The following RAB3C variants were observed in gnomAD, a reference collection of about 807,000 sequenced individuals.
RAB3C encodes RAB3C, member RAS oncogene family, also known as ras-related protein Rab-3C.
A neutral mutation model predicts 26.4 loss-of-function variants in RAB3C; 17 were observed. The observed-to-expected ratio is 0.64, with a 90% CI of 0.44 to 0.97. RAB3C has a LOEUF of 0.97. Ranked by LOEUF, RAB3C falls within the 50% of genes least tolerant of loss-of-function variation. The pLI is 0.00. For synonymous variants in RAB3C, 91 were observed against 95.9 expected, an observed-to-expected ratio of 0.95 and a Z score of 0.30; for missense variants, 242 against 281.9, an observed-to-expected ratio of 0.86 and a Z score of 1.01.
rs116162966 is a variant in RAB3C, at chr5:58,855,398, C to G, written c.*4047C>G. On this transcript the variant is annotated 3_prime_UTR_variant, in exon 5 of 5. Transcript: ENST00000282878. ...TGGCATACTTCAGAGCTGGCCTGTC[C>G]GTCTGAAGAACCCTTTCTCTCACAA... 2.6e-5 allele frequency: 4 copies of G among 152,156 alleles called. No individual in the cohort carries two copies. The highest frequency in any genetic ancestry group is 9.7e-5 in the African/African-American group (4 of 41,418). 9.4% of individuals were successfully genotyped at this position (152,156 alleles called of 1,614,324 possible). A position where few individuals can be genotyped will look rare whatever the true frequency, so the allele number is the denominator to read the frequency against.
intron 3 of RAB3C, among the ~76,000 whole-genome samples, chr5:58,739,670 A>G (rs764852683): frequency 3.3e-5 from 5 of 152,212 alleles, no homozygotes; most frequent in East Asian, 3.8e-4. Flanking sequence ...GTATTCTCAC[A>G]TACTGTTCCC....
chr5:58,589,907 G>C (rs1157611599), intron 1 of RAB3C, among the ~76,000 whole-genome samples: 1 of 152,192 alleles, frequency 6.6e-6, no homozygotes, highest in Non-Finnish European at 1.5e-5. Context: ...TGAAGATGAA[G>C]AAGGCTGTGT....
intron 2 of RAB3C, among the ~76,000 whole-genome samples, chr5:58,680,568 A>T (rs1748324661): frequency 6.6e-6 from 1 of 152,254 alleles, no homozygotes; most frequent in South Asian, 2.1e-4. Context: ...TTCTGAAGTT[A>T]GAAGTCCAAA....
chr5:58,731,780 A>C (rs1472359417), intron 3 of RAB3C, among the ~76,000 whole-genome samples: 1 of 152,200 alleles, frequency 6.6e-6, no homozygotes, highest in Non-Finnish European at 1.5e-5. Context: ...TCCAATGTTC[A>C]CTTCTGGGAC....
At chr5:58,758,271 T>C (rs912911798) in intron 3 of RAB3C, among the ~76,000 whole-genome samples, 1 of 152,172 alleles carries the variant, frequency 6.6e-6, no homozygotes, top group African/African-American at 2.4e-5. Context: ...GATATAGACC[T>C]ATAAATTTTT....
intron 3 of RAB3C, among the ~76,000 whole-genome samples, chr5:58,780,956 A>G (rs1561128008): frequency 6.6e-6 from 1 of 152,084 alleles, no homozygotes; most frequent in East Asian, 1.9e-4. Context: ...CCTATCTTGT[A>G]GTCTGTAACT....
upstream of RAB3C, chr5:58,582,498 CTA>C: frequency 2.5e-6 from 2 of 787,462 alleles, no homozygotes; most frequent in Non-Finnish European, 3.1e-6. Flanking sequence ...GTGTGTGTGA[CTA>C]TGTACGCGCG....
chr5:58,650,509 T>C (rs941935565), intron 2 of RAB3C, among the ~76,000 whole-genome samples: 2 of 152,214 alleles, frequency 1.3e-5, no homozygotes, highest in African/African-American at 4.8e-5. Flanking sequence ...ACGGTTTAAC[T>C]GGTTGAATAA....
At chr5:58,723,433 T>A (rs896577555) in intron 2 of RAB3C, among the ~76,000 whole-genome samples, 2 of 151,838 alleles carry the variant, frequency 1.3e-5, no homozygotes, top group African/African-American at 4.8e-5. Context: ...CTTAGCTAAT[T>A]TTCAGTTCCA....
chr5:58,826,294 A>C (rs187625925), intron 4 of RAB3C, among the ~76,000 whole-genome samples: 87 of 152,264 alleles, frequency 5.7e-4, no homozygotes, highest in African/African-American at 2.0e-3. Flanking sequence ...AGGAGAGTAG[A>C]ATTTGCAACT....
At chr5:58,695,321 T>C (rs1398712427) in intron 2 of RAB3C, among the ~76,000 whole-genome samples, 12 of 152,236 alleles carry the variant, frequency 7.9e-5, no homozygotes, top group African/African-American at 2.9e-4. Flanking sequence ...TTTTGGTCAC[T>C]GTAGCTTTGT....
intron 2 of RAB3C, among the ~76,000 whole-genome samples, chr5:58,638,191 C>T (rs1747327680): frequency 6.6e-6 from 1 of 152,112 alleles, no homozygotes; most frequent in Non-Finnish European, 1.5e-5. Flanking sequence ...TTGAACCCTG[C>T]AATGCTTGTC....
At chr5:58,790,156 G>A (rs902509562) in intron 3 of RAB3C, among the ~76,000 whole-genome samples, 3 of 151,898 alleles carry the variant, frequency 2.0e-5, no homozygotes, top group African/African-American at 7.3e-5. Flanking sequence ...TCCAAAATAG[G>A]GCTTTACATC....
intron 3 of RAB3C, among the ~76,000 whole-genome samples, chr5:58,757,872 A>G (rs1159139062): frequency 2.0e-5 from 3 of 152,192 alleles, no homozygotes; most frequent in African/African-American, 7.2e-5. Context: ...ATCTGCCATC[A>G]GCTCTCAGAA....
rs538203681 is a variant in RAB3C, at chr5:58,774,154, G to A, written c.371+48034G>A. ...CACCTGAGACATAGTATGTTGAAAT[G>A]GATCAATGAATGAATAAATTAATTC... is the stretch of plus-strand genomic sequence containing the variant. On this transcript the variant is annotated intron_variant, in intron 3 of 4. Transcript: ENST00000282878. Among the ~76,000 whole-genome samples the A allele has an allele frequency of 5.9e-5, 9 of 152,222 alleles. No individual in the cohort carries two copies. In the East Asian group the frequency reaches 1.5e-3, roughly 26 times the overall value.
chr5:58,725,334 G>A (rs1740865724), intron 2 of RAB3C, among the ~76,000 whole-genome samples: 1 of 151,664 alleles, frequency 6.6e-6, no homozygotes, highest in Admixed American at 6.6e-5. Context: ...TTGCTTCTTT[G>A]TACTTGCTGC....
intron 3 of RAB3C, among the ~76,000 whole-genome samples, chr5:58,785,957 G>A (rs1742369756): frequency 6.6e-6 from 1 of 152,198 alleles, no homozygotes; most frequent in Non-Finnish European, 1.5e-5. Context: ...AATTTGTGAA[G>A]CTTCTAGATG....
chr5:58,640,762 G>A (rs932001809), intron 2 of RAB3C, among the ~76,000 whole-genome samples: 1 of 152,128 alleles, frequency 6.6e-6, no homozygotes, highest in African/African-American at 2.4e-5. Flanking sequence ...GGTGTCTTCT[G>A]TAGGATGCTA....
chr5:58,762,999 C>G (rs1466231210), intron 3 of RAB3C, among the ~76,000 whole-genome samples: 1 of 152,122 alleles, frequency 6.6e-6, no homozygotes, highest in Non-Finnish European at 1.5e-5. Flanking sequence ...TATAAATTTA[C>G]ATGGAGTAGA....
Sources: allele counts gnomAD v4.1 joint callset (sites outside exome capture counted in the v4.1 genomes callset), GRCh38; gene constraint gnomAD v4.1.1; transcripts MANE v1.5; gene names NCBI Gene and HGNC (gene_info 2026-07-23, HGNC 2026-07-21).